BPIFB2: variants seen among roughly 807,000 people sequenced by gnomAD.
BPIFB2 encodes BPI fold-containing family B member 2.
Under a neutral mutation model 50.1 loss-of-function variants are expected in BPIFB2, and 39 were observed. The ratio of observed to expected loss-of-function variants is 0.78; its 90% CI spans 0.60 to 1.02. BPIFB2 has a LOEUF of 1.02. BPIFB2 is among the 50% of genes least tolerant of loss of function. The probability of loss-of-function intolerance (pLI) is 0.00; values close to 1 mark genes in which losing one functional copy is unlikely to be tolerated. For missense variants in BPIFB2, 574 were observed against 585.8 expected (o/e 0.98, Z 0.21); for synonymous variants, 280 against 256.3 (o/e 1.09, Z -0.88).
At chr20:33,012,649 T>C (rs1201174312) in intron 3 of BPIFB2, among the ~76,000 whole-genome samples, 154 bp from the exon 4 acceptor site, 1 of 152,180 alleles carries the variant, frequency 6.6e-6, no homozygotes, top group African/African-American at 2.4e-5. Flanking sequence ...CCCGTGGTGA[T>C]GGAGAACTCA....
At chr20:33,008,399 G>A in intron 1 of BPIFB2, 142 bp from the exon 2 acceptor site, 1 of 558,422 alleles carries the variant, frequency 1.8e-6, no homozygotes, top group Non-Finnish European at 3.2e-6. Flanking sequence ...CCAATGCAGA[G>A]ATGCAAAAAC....
chr20:33,021,780 C>T lies in BPIFB2; in HGVS notation c.1316C>T (p.Pro439Leu). The change falls in exon 15 of 16, where the codon CCT becomes CTT. Residue 439 changes from proline to leucine, a missense_variant. By Grantham distance (98) the Pro-to-Leu change is moderately conservative. Transcript: ENST00000170150. ...GTGGTCAACCTCCACTATGTCGCCCCTGAGATCTTTGTCTATGAGGTGAGA... is the reference window on the plus strand; with the variant it reads ...GTGGTCAACCTCCACTATGTCGCCCTTGAGATCTTTGTCTATGAGGTGAGA... ...PGVVNLHYVA[P>L]EIFVYEGYVV... 1 of 1,614,034 alleles carries T rather than the reference C, an allele frequency of 6.2e-7. No homozygotes were observed.
chr20:33,013,821 C>A lies in BPIFB2; in HGVS notation c.320C>A (p.Pro107His), dbSNP rs779119074. Reference protein sequence around the residue: ...FTFKVFRAPEPLELTLPVELL... With the variant: ...FTFKVFRAPEHLELTLPVELL... ...TGGCATCCCTACAGCGCCCCAGAGC[C>A]CCTGGAGCTGACGCTGCCTGTGGAA... Residue 107 changes from proline to histidine, a missense_variant, in exon 5 of 16, where the codon CCC becomes CAC. By Grantham distance (77) the Pro-to-His change is moderately conservative. Transcript: ENST00000170150. The A allele has an allele frequency of 6.2e-7, 1 of 1,613,436 alleles. No homozygotes were observed. Among genetic ancestry groups the A allele is most frequent in the Admixed American group, 1.7e-5 (1 of 60,014 alleles).
At chr20:33,021,006 G>A (rs1016322220) in intron 13 of BPIFB2, among the ~76,000 whole-genome samples, 3 of 152,202 alleles carry the variant, frequency 2.0e-5, no homozygotes, top group East Asian at 1.9e-4. Context: ...CACACAGTGC[G>A]TGAGTGTCCA....
intron 2 of BPIFB2, 116 bp from the exon 3 acceptor site, chr20:33,010,907 AC>A: frequency 1.2e-6 from 1 of 868,758 alleles, no homozygotes; most frequent in Non-Finnish European, 1.9e-6. Flanking sequence ...GAGTAAGCCT[AC>A]CCCTTCCAGT....
At chr20:33,019,016 G>A in intron 9 of BPIFB2, 46 bp from the exon 10 acceptor site, 3 of 1,612,692 alleles carry the variant, frequency 1.9e-6, no homozygotes, top group Non-Finnish European at 2.5e-6. Context: ...CTGTCTTGGG[G>A]AGCAGCTGTC....
chr20:33,017,152 G>A (rs371707177), intron 7 of BPIFB2, 50 bp downstream of exon 7: 1 of 1,571,812 alleles, frequency 6.4e-7, no homozygotes. Flanking sequence ...GGACCCCCTG[G>A]AGCCCCTAGA....
rs146905219 is a variant in BPIFB2 at position 33,023,368 on chromosome 20, C to T, written c.1362C>T (p.Leu454=). Residue 454 remains leucine, a synonymous_variant, in exon 16 of 16, where the codon CTC becomes CTT. Transcript: ENST00000170150. ...GCTACGTGGTGATATCCAGTGGACT[C>T]TTCTACCAGAGCTGAGGCAAGACCA... The part of the protein sequence containing the change: ...YEGYVVISSG[L]FYQS 3,038 of 1,614,002 alleles carry T rather than the reference C, an allele frequency of 1.9e-3. 14 individuals are homozygous for T. The highest frequency in any genetic ancestry group is 1.7e-3 in the Non-Finnish European group (1,986 of 1,179,928).
chr20:33,008,731 G>A (rs1249829846), intron 2 of BPIFB2, 48 bp downstream of exon 2: 7 of 1,460,434 alleles, frequency 4.8e-6, no homozygotes, highest in Non-Finnish European at 6.5e-6. Flanking sequence ...GTACATGCGT[G>A]TGCAATCCTA....
intron 3 of BPIFB2, among the ~76,000 whole-genome samples, chr20:33,011,735 T>C (rs1300234624): frequency 3.3e-5 from 5 of 152,174 alleles, no homozygotes; most frequent in African/African-American, 9.7e-5. Context: ...TCCCAGCACT[T>C]TGGGAGGCCG....
intron 11 of BPIFB2, among the ~76,000 whole-genome samples, chr20:33,020,036 C>T (rs545054711): frequency 2.6e-5 from 4 of 152,284 alleles, no homozygotes; most frequent in East Asian, 1.9e-4. Flanking sequence ...TCAGCCTTCT[C>T]GGCACCTCCT....
At chr20:33,008,161 G>T (rs946894479) in intron 1 of BPIFB2, among the ~76,000 whole-genome samples, 1 of 152,182 alleles carries the variant, frequency 6.6e-6, no homozygotes, top group African/African-American at 2.4e-5. Context: ...CTGGACTCCG[G>T]CATCAGGTGA....
intron 11 of BPIFB2, 118 bp downstream of exon 11, chr20:33,019,868 T>A (rs2146354981): frequency 2.3e-6 from 3 of 1,280,502 alleles, no homozygotes; most frequent in South Asian, 1.7e-5. Context: ...TCCTTGAATG[T>A]GTCAGGACAC....
intron 3 of BPIFB2, among the ~76,000 whole-genome samples, chr20:33,012,359 A>G (rs1004855133): frequency 2.0e-5 from 3 of 152,216 alleles, no homozygotes; most frequent in Non-Finnish European, 2.9e-5. Flanking sequence ...TTTAGGAAAT[A>G]AAATAAATCA....
At chr20:33,018,847 G>A (rs778957688) in intron 9 of BPIFB2, 25 bp downstream of exon 9, 5 of 1,597,994 alleles carry the variant, frequency 3.1e-6, no homozygotes, top group Admixed American at 3.4e-5. Flanking sequence ...TGCAGCCCAG[G>A]GCCTGTGGGG....
At chr20:33,012,963 T>A in intron 4 of BPIFB2, 56 bp downstream of exon 4, 2 of 1,456,546 alleles carry the variant, frequency 1.4e-6, no homozygotes, top group Admixed American at 3.4e-5. Flanking sequence ...CTCCGAGGGA[T>A]ACAGTGAGGG....
At chr20:33,014,837 T>C (rs1392668881) in intron 5 of BPIFB2, among the ~76,000 whole-genome samples, 2 of 152,156 alleles carry the variant, frequency 1.3e-5, no homozygotes, top group African/African-American at 4.8e-5. Flanking sequence ...TCACAGCTTA[T>C]TGAAGGGGAA....
At chr20:33,013,579 C>T (rs1191327820) in intron 4 of BPIFB2, among the ~76,000 whole-genome samples, 3 of 152,158 alleles carry the variant, frequency 2.0e-5, no homozygotes, top group Non-Finnish European at 2.9e-5. Context: ...TGAGAGGCTC[C>T]GGACAGCCAG....
chr20:33,014,652 G>A (rs138080840), intron 5 of BPIFB2, among the ~76,000 whole-genome samples: 5 of 152,370 alleles, frequency 3.3e-5, no homozygotes, highest in African/African-American at 1.2e-4. Context: ...CCCAATGTGA[G>A]CGGGGCTTGC....
Sources: gnomAD v4.1 joint callset for allele counts (sites outside exome capture counted in the v4.1 genomes callset) on GRCh38, gnomAD v4.1.1 for gene constraint, MANE v1.5 for transcripts, NCBI Gene and HGNC (gene_info 2026-07-23, HGNC 2026-07-21) for gene names.